NPFFR2: variants seen among roughly 807,000 people sequenced by gnomAD.
NPFFR2 encodes G-protein coupled receptor 74.
Under a neutral mutation model 13.1 loss-of-function variants are expected in NPFFR2, and 15 were observed. The observed-to-expected ratio is 1.15, with a 90% confidence interval of 0.77 to 1.76. NPFFR2 has a LOEUF of 1.76. NPFFR2 is among the 40% of genes most tolerant of loss of function. The pLI, the probability that NPFFR2 is intolerant of heterozygous loss-of-function variation, is 0.00. For missense variants in NPFFR2, 572 were observed against 503.5 expected (o/e 1.14, Z -1.30); for synonymous variants, 190 against 175.7 (o/e 1.08, Z -0.65).
chr4:72,050,747 A>G (rs1010116079), intron 1 of NPFFR2, among the ~76,000 whole-genome samples: 25 of 150,762 alleles, frequency 1.7e-4, no homozygotes, highest in African/African-American at 3.4e-4. Flanking sequence ...ATATCTCCCA[A>G]TGCTATCCCT....
chr4:72,049,744 G>A (rs1156241522), intron 1 of NPFFR2, among the ~76,000 whole-genome samples: 3 of 151,888 alleles, frequency 2.0e-5, no homozygotes, highest in Non-Finnish European at 4.4e-5. Flanking sequence ...TACACATTTT[G>A]GTCTTCTTTC....
chr4:72,108,918 A>T (rs996684402), intron 1 of NPFFR2, among the ~76,000 whole-genome samples: 3 of 152,012 alleles, frequency 2.0e-5, no homozygotes, highest in African/African-American at 7.2e-5. Flanking sequence ...GGAGGATTCA[A>T]TCCAACCTCT....
intron 1 of NPFFR2, among the ~76,000 whole-genome samples, chr4:72,127,838 G>A (rs542839909): frequency 1.5e-3 from 230 of 152,066 alleles, no homozygotes; most frequent in African/African-American, 5.4e-3. Flanking sequence ...CTAGCATTTT[G>A]GGAGGCTAAG....
At chr4:72,050,138 A>G (rs1473608341) in intron 1 of NPFFR2, among the ~76,000 whole-genome samples, 2 of 152,036 alleles carry the variant, frequency 1.3e-5, no homozygotes, top group Non-Finnish European at 2.9e-5. Context: ...TCCTTCATGA[A>G]TGTCCTAATC....
intron 1 of NPFFR2, among the ~76,000 whole-genome samples, chr4:72,127,055 C>T (rs1010575298): frequency 2.6e-5 from 4 of 152,024 alleles, no homozygotes; most frequent in Admixed American, 2.6e-4. Context: ...GTAATCCCAG[C>T]ACTTTGGGAG....
intron 1 of NPFFR2, among the ~76,000 whole-genome samples, chr4:72,056,022 C>T (rs1719734505): frequency 6.6e-6 from 1 of 152,022 alleles, no homozygotes; most frequent in African/African-American, 2.4e-5. Context: ...AGTGCTGACA[C>T]AGAAACTGCC....
At chr4:72,083,791 C>G (rs922545998) in intron 1 of NPFFR2, among the ~76,000 whole-genome samples, 1 of 152,052 alleles carries the variant, frequency 6.6e-6, no homozygotes, top group Non-Finnish European at 1.5e-5. Flanking sequence ...CTCATAAAAC[C>G]AAGCACTTTA....
At chr4:72,124,319 T>A (rs1721973587) in intron 1 of NPFFR2, among the ~76,000 whole-genome samples, 1 of 152,154 alleles carries the variant, frequency 6.6e-6, no homozygotes, top group African/African-American at 2.4e-5. Flanking sequence ...ATGGCCTTCC[T>A]GACAAAAGTA....
chr4:72,147,070 T>C lies in NPFFR2; in HGVS notation c.521T>C (p.Ile174Thr), dbSNP rs1249594232. ...IMIIWVLAITIMSPSAVMLHV... is the reference protein window; with the variant it reads ...IMIIWVLAITTMSPSAVMLHV... ...ATCATCTGGGTCCTAGCCATCACCA[T>C]TATGTCTCCATCTGCAGTAATGTTA... is the stretch of plus-strand genomic sequence containing the variant. Residue 174 changes from isoleucine to threonine, a missense_variant, in exon 4 of 4, where the codon ATT (isoleucine) becomes ACT (threonine). Transcript: ENST00000308744. 1 of 1,613,944 alleles carries C rather than the reference T, an allele frequency of 6.2e-7. No individual in the cohort carries two copies. The highest frequency in any genetic ancestry group is 1.7e-5 in the Admixed American group (1 of 59,990).
chr4:72,064,282 C>T (rs1720005153), intron 1 of NPFFR2, among the ~76,000 whole-genome samples: 1 of 152,242 alleles, frequency 6.6e-6, no homozygotes, highest in South Asian at 2.1e-4. Flanking sequence ...GCCATCAAGG[C>T]TGCTGTCAGC....
chr4:72,128,050 A>T (rs549184586), intron 1 of NPFFR2, among the ~76,000 whole-genome samples: 1 of 152,154 alleles, frequency 6.6e-6, no homozygotes, highest in Non-Finnish European at 1.5e-5. Flanking sequence ...CTGCACTCCC[A>T]TCCAGGTGAC....
chr4:72,036,694 A>T (rs923393499), intron 1 of NPFFR2, among the ~76,000 whole-genome samples: 1 of 151,412 alleles, frequency 6.6e-6, no homozygotes, highest in East Asian at 1.9e-4. Flanking sequence ...CCACAATGCC[A>T]TTTTGCAGCC....
rs1012532127 is a variant in NPFFR2, at chr4:72,037,393, G to T, written c.-8+5193G>T. Reference sequence around the variant, plus strand: ...CACTCCAGCTTCGGCAACAGAGCAAGATCTTGTTTGAAAAAAAAAAAAAAA... The same window carrying T: ...CACTCCAGCTTCGGCAACAGAGCAATATCTTGTTTGAAAAAAAAAAAAAAA... On this transcript the variant is annotated intron_variant, in intron 1 of 3. Transcript: ENST00000308744. Among the ~76,000 whole-genome samples, 3 of 95,568 alleles carry T rather than the reference G, an allele frequency of 3.1e-5. No homozygotes were observed. The Admixed American group carries it at 4.4e-4, about 14-fold the overall frequency. 62.7% of individuals were successfully genotyped at this position (95,568 alleles called of 152,430 possible). A position where few individuals can be genotyped will look rare whatever the true frequency, so the allele number is the denominator to read the frequency against.
chr4:72,052,423 A>C (rs1316992879), intron 1 of NPFFR2, among the ~76,000 whole-genome samples: 4 of 149,502 alleles, frequency 2.7e-5, no homozygotes, highest in Non-Finnish European at 5.9e-5. Context: ...GATGCAGAAA[A>C]GGCCTTTGAC....
At chr4:72,075,516 G>C (rs1485840989) in intron 1 of NPFFR2, among the ~76,000 whole-genome samples, 1 of 152,032 alleles carries the variant, frequency 6.6e-6, no homozygotes, top group Non-Finnish European at 1.5e-5. Flanking sequence ...CTCAATAATG[G>C]AGAGAACCAC....
intron 1 of NPFFR2, among the ~76,000 whole-genome samples, chr4:72,086,085 A>G (rs1720762528): frequency 6.6e-6 from 1 of 152,120 alleles, no homozygotes; most frequent in South Asian, 2.1e-4. Flanking sequence ...ATATTAAATA[A>G]TGGATAGAAG....
intron 1 of NPFFR2, among the ~76,000 whole-genome samples, chr4:72,070,902 T>C (rs1384244951): frequency 6.6e-6 from 1 of 152,184 alleles, no homozygotes; most frequent in Non-Finnish European, 1.5e-5. Flanking sequence ...TCCCATTTTC[T>C]TAGGATCAAA....
chr4:72,136,739 G>A (rs1006010742), intron 2 of NPFFR2, among the ~76,000 whole-genome samples: 47 of 152,098 alleles, frequency 3.1e-4, no homozygotes, highest in African/African-American at 9.4e-4. Flanking sequence ...CCCCGCACCT[G>A]GTGACTCGGG....
At chr4:72,051,744 C>G (rs1719590274) in intron 1 of NPFFR2, among the ~76,000 whole-genome samples, 1 of 151,850 alleles carries the variant, frequency 6.6e-6, no homozygotes, top group Admixed American at 6.6e-5. Context: ...TGATAGACTG[C>G]TAGCAAGACT....
Sources: gnomAD v4.1 joint callset for allele counts (sites outside exome capture counted in the v4.1 genomes callset) on GRCh38, gnomAD v4.1.1 for gene constraint, MANE v1.5 for transcripts, NCBI Gene and HGNC (gene_info 2026-07-23, HGNC 2026-07-21) for gene names.